NWD1: variants seen among roughly 807,000 people sequenced by gnomAD.
NWD1 encodes the protein NACHT domain- and WD repeat-containing protein 1.
Under a neutral mutation model 135.1 loss-of-function variants are expected in NWD1, and 129 were observed. The ratio of observed to expected loss-of-function variants is 0.96; its 90% CI spans 0.83 to 1.11. The LOEUF is 1.11. NWD1 is among the 50% of genes least tolerant of loss of function. NWD1 has a pLI of 0.00. For missense variants in NWD1, 1,740 were observed against 1,851.3 expected, an observed-to-expected ratio of 0.94 and a Z score of 1.10; for synonymous variants, 773 against 786.0, an observed-to-expected ratio of 0.98 and a Z score of 0.28.
intron 10 of NWD1, among the ~76,000 whole-genome samples, chr19:16,766,032 A>G (rs55851814): frequency 0.14 from 19,421 of 143,838 alleles, 3,849 homozygotes; most frequent in African/African-American, 0.45. Flanking sequence ...AAAAAAAAAA[A>G]AAAGAAAGAA....
At chr19:16,743,749 G>A (rs1423187672) in intron 4 of NWD1, among the ~76,000 whole-genome samples, 1 of 151,966 alleles carries the variant, frequency 6.6e-6, no homozygotes, top group Non-Finnish European at 1.5e-5. Flanking sequence ...GTGGCACCAT[G>A]TCGGTTCACT....
chr19:16,739,298 C>G (rs1967983182), intron 4 of NWD1, among the ~76,000 whole-genome samples: 1 of 123,084 alleles, frequency 8.1e-6, no homozygotes, highest in African/African-American at 3.1e-5. Flanking sequence ...TCAAGACCAG[C>G]TTGAGTAACA....
At chr19:16,730,343 CA>C (rs553832126) in intron 2 of NWD1, among the ~76,000 whole-genome samples, 8 of 145,564 alleles carry the variant, frequency 5.5e-5, no homozygotes, top group East Asian at 2.0e-4. Flanking sequence ...AACAAAAAAA[CA>C]AAAAAAAAAC....
At chr19:16,756,483 C>G (rs1416730013) in intron 6 of NWD1, among the ~76,000 whole-genome samples, 1 of 152,084 alleles carries the variant, frequency 6.6e-6, no homozygotes, top group Non-Finnish European at 1.5e-5. Context: ...CTTCAAGGGT[C>G]AACTATATGT....
intron 6 of NWD1, among the ~76,000 whole-genome samples, chr19:16,757,792 G>A (rs1488226440): frequency 1.3e-5 from 2 of 152,150 alleles, no homozygotes; most frequent in African/African-American, 2.4e-5. Flanking sequence ...AGTGGCTCAC[G>A]CCTAATCCCA....
intron 6 of NWD1, among the ~76,000 whole-genome samples, chr19:16,758,620 A>G (rs957089586): frequency 6.6e-6 from 1 of 151,964 alleles, no homozygotes; most frequent in Non-Finnish European, 1.5e-5. Flanking sequence ...GCCAGGGTGG[A>G]GTGGGGTAGG....
At chr19:16,779,568 C>A in intron 12 of NWD1, 103 bp downstream of exon 12, 1 of 1,090,288 alleles carries the variant, frequency 9.2e-7, no homozygotes, top group Middle Eastern at 2.4e-4. Context: ...AAACCCTGGC[C>A]TTTGTTCCTG....
intron 12 of NWD1, among the ~76,000 whole-genome samples, chr19:16,788,288 G>A (rs1970125183): frequency 6.9e-6 from 1 of 144,772 alleles, no homozygotes; most frequent in Non-Finnish European, 1.5e-5. Context: ...AATAATAAAA[G>A]GCCAGGCATG....
intron 12 of NWD1, among the ~76,000 whole-genome samples, chr19:16,784,136 T>G (rs1046511224): frequency 2.9e-4 from 43 of 148,576 alleles, no homozygotes; most frequent in Admixed American, 2.9e-3. Flanking sequence ...ACCTGGGAGG[T>G]GGAGGTTGCT....
intron 2 of NWD1, among the ~76,000 whole-genome samples, chr19:16,726,358 C>T (rs748473946): frequency 6.6e-6 from 1 of 152,138 alleles, no homozygotes; most frequent in African/African-American, 2.4e-5. Context: ...GATCCTCCTG[C>T]CCTGGCCTCT....
intron 12 of NWD1, among the ~76,000 whole-genome samples, chr19:16,786,553 C>CT (rs111519885): frequency 0.17 from 24,911 of 146,056 alleles, 4,660 homozygotes; most frequent in African/African-American, 0.47. Flanking sequence ...GTTGGGGACA[C>CT]TTTTTTTTTT....
rs763983237 is a variant in NWD1 at position 16,749,604 on chromosome 19, G to A, written c.962G>A (p.Arg321Gln). ...TGCGGACGCCAGGAACTCCTGGCCC[G>A]GCTTGGGCAGCAGCTCAGGCACGAT... is the stretch of plus-strand genomic sequence containing the variant. ...TFCGRQELLA[R>Q]LGQQLRHDDS... Residue 321 changes from arginine (R) to glutamine (Q), a missense_variant, in exon 6 of 19, where the codon CGG becomes CAG. By Grantham distance (43) the Arg-to-Gln change is conservative (BLOSUM62 1). Coordinates refer to ENST00000524140, the MANE Select transcript of NWD1 (RefSeq NM_001007525.5). The A allele has an allele frequency of 1.9e-5, 31 of 1,612,638 alleles. No homozygotes were observed. The highest frequency in any genetic ancestry group is 5.3e-5 in the African/African-American group (4 of 74,870).
At chr19:16,722,912 G>C (rs1246908858) in intron 1 of NWD1, among the ~76,000 whole-genome samples, 1 of 152,110 alleles carries the variant, frequency 6.6e-6, no homozygotes. Flanking sequence ...AGCTTTCCTA[G>C]TTGGTGGCAA....
chr19:16,801,076 G>A lies in NWD1; in HGVS notation c.3736+914G>A, dbSNP rs200505308. Among the ~76,000 whole-genome samples, 26 of 152,080 alleles carry A rather than the reference G, an allele frequency of 1.7e-4. No homozygotes were observed. In the East Asian group the frequency reaches 4.8e-3, roughly 28 times the overall value. On this transcript the variant is annotated intron_variant, in intron 17 of 18. Coordinates refer to ENST00000524140, the MANE Select transcript of NWD1 (RefSeq NM_001007525.5). ...GCAGATCACTTGAGGTCGGGAGTTC[G>A]AGACCAGCCTGACCAACATGGAAAA...
At position 16,789,069 on chromosome 19, in the gene NWD1, T is replaced by C. The variant is rs1280950594; in HGVS notation, c.2819T>C (p.Leu940Pro). 6.2e-7 allele frequency: 1 copy of C among 1,613,642 alleles called. No individual in the cohort carries two copies. Among genetic ancestry groups the C allele is most frequent in the Non-Finnish European group, 8.5e-7 (1 of 1,179,832 alleles). The change falls in exon 13 of 19, where the codon CTC becomes CCC. Residue 940 changes from leucine to proline, a missense_variant. By Grantham distance (98) the Leu-to-Pro change is moderately conservative. Transcript: ENST00000524140. ...KDYTLHLWNL[L>P]SGQEKFTIWD... Reference sequence around the variant, plus strand: ...TACACGCTGCACTTGTGGAACTTACTCTCTGGCCAGGAGAAATTTACCATT... The same window carrying C: ...TACACGCTGCACTTGTGGAACTTACCCTCTGGCCAGGAGAAATTTACCATT...
chr19:16,737,964 C>CGAAAAGAAAACAAAAGAAAA (rs1967894421), intron 4 of NWD1, among the ~76,000 whole-genome samples: 1 of 124,540 alleles, frequency 8.0e-6, no homozygotes, highest in Non-Finnish European at 1.7e-5. Context: ...GACTCTATCT[C>CGAAAAGAAAACAAAAGAAAA]GAAAAGAAAA....
At chr19:16,727,064 C>T (rs1192769087) in intron 2 of NWD1, among the ~76,000 whole-genome samples, 1 of 152,124 alleles carries the variant, frequency 6.6e-6, no homozygotes, top group East Asian at 1.9e-4. Context: ...CTTGTCTGGG[C>T]TGTGGGGCTG....
At chr19:16,750,522 A>T in intron 6 of NWD1, 111 bp downstream of exon 6, 3 of 810,450 alleles carry the variant, frequency 3.7e-6, no homozygotes, top group Non-Finnish European at 5.5e-6. Context: ...TGGTGTGATC[A>T]TAGCTCACTG....
chr19:16,720,396 A>C (rs1242151433), intron 1 of NWD1, 103 bp downstream of exon 1: 3 of 152,228 alleles, frequency 2.0e-5, no homozygotes, highest in Non-Finnish European at 4.4e-5. Context: ...AGGAGGAGGT[A>C]GCATTGAAGC....
Sources: gnomAD v4.1 joint callset for allele counts (sites outside exome capture counted in the v4.1 genomes callset) on GRCh38, gnomAD v4.1.1 for gene constraint, MANE v1.5 for transcripts, NCBI Gene and HGNC (gene_info 2026-07-23, HGNC 2026-07-21) for gene names.